Variants in DMD observed in about 807,000 individuals in gnomAD.
The protein encoded by DMD is mutant dystrophin.
DMD carries 63 observed loss-of-function variants against 330.1 expected under a neutral mutation model. That is an observed-to-expected ratio of 0.19 (90% CI 0.16 to 0.24). The LOEUF (loss-of-function observed/expected upper bound fraction) is 0.24, where lower values mean the gene tolerates loss of function less well. DMD is among the 10% of genes least tolerant of loss of function. DMD has a pLI of 1.00. For synonymous variants in DMD, 1,223 were observed against 959.8 expected (o/e 1.27, Z -5.07); for missense variants, 3,344 against 2,684.1 (o/e 1.25, Z -5.43).
intron 23 of DMD, among the ~76,000 whole-genome samples, chrX:32,467,243 C>T (rs1182323558): frequency 8.9e-6 from 1 of 111,887 alleles, no homozygotes; most frequent in Admixed American, 9.6e-5. Flanking sequence ...AATGTTTTTC[C>T]ATCATACCAT....
At chrX:32,991,395 C>A (rs2092969903) in intron 2 of DMD, among the ~76,000 whole-genome samples, 1 of 111,611 alleles carries the variant, frequency 9.0e-6, no homozygotes, top group African/African-American at 3.2e-5. Context: ...GCTAAACCAG[C>A]ATTGTCCATT....
intron 2 of DMD, among the ~76,000 whole-genome samples, chrX:33,002,604 G>A (rs1338087544): frequency 9.1e-6 from 1 of 110,271 alleles, no homozygotes; most frequent in Non-Finnish European, 1.9e-5. Context: ...TTACAAAGTT[G>A]CACTTCTGTG....
chrX:31,282,265 T>C (rs1240258384), intron 62 of DMD, among the ~76,000 whole-genome samples: 1 of 112,081 alleles, frequency 8.9e-6, no homozygotes, highest in Non-Finnish European at 1.9e-5. Flanking sequence ...TGTAATCAAA[T>C]GTAATGACGT....
chrX:32,976,210 G>A (rs1292508089), intron 2 of DMD, among the ~76,000 whole-genome samples: 3 of 49,845 alleles, frequency 6.0e-5, no homozygotes, highest in African/African-American at 2.5e-4. Context: ...AATAGAACGA[G>A]ACTCGTCTCA....
At chrX:32,076,086 A>AAAAG (rs2096346527) in intron 44 of DMD, among the ~76,000 whole-genome samples, 6 of 82,310 alleles carry the variant, frequency 7.3e-5, no homozygotes, top group African/African-American at 1.9e-4. Context: ...AAAAAAAAAA[A>AAAAG]AGAGAGAGAG....
chrX:31,386,481 C>T (rs946851245), intron 60 of DMD, among the ~76,000 whole-genome samples: 1 of 111,999 alleles, frequency 8.9e-6, no homozygotes, highest in East Asian at 2.8e-4. Flanking sequence ...TCAGAAAATG[C>T]CTTCCCCTTT....
At chrX:32,545,518 G>T (rs757521839) in intron 16 of DMD, among the ~76,000 whole-genome samples, 184 bp from the exon 17 acceptor site, 8 of 112,043 alleles carry the variant, frequency 7.1e-5, no homozygotes, top group African/African-American at 2.6e-4. Context: ...TTGGTTCACT[G>T]AAATAGCAAG....
At chrX:31,449,763 GATATATATAT>G (rs59787771) in intron 59 of DMD, among the ~76,000 whole-genome samples, 786 of 62,460 alleles carry the variant, frequency 0.013, 3 homozygotes, top group African/African-American at 0.038. Flanking sequence ...TAAATGGTGT[GATATATATAT>G]ATATATATAT....
chrX:31,453,758 A>C (rs1674060704), intron 59 of DMD, among the ~76,000 whole-genome samples: 1 of 93,008 alleles, frequency 1.1e-5, no homozygotes, highest in Non-Finnish European at 2.1e-5. Context: ...TATAGACAAA[A>C]AACAAGCAAA....
chrX:32,886,204 C>T (rs2084547640), intron 2 of DMD, among the ~76,000 whole-genome samples: 1 of 109,665 alleles, frequency 9.1e-6, no homozygotes, highest in Non-Finnish European at 1.9e-5. Context: ...AATTTAATAT[C>T]TCAAAAGCAG....
At chrX:32,625,850 C>T (rs2058313343) in intron 11 of DMD, among the ~76,000 whole-genome samples, 1 of 111,470 alleles carries the variant, frequency 9.0e-6, no homozygotes, top group Non-Finnish European at 1.9e-5. Flanking sequence ...GGCTCTCAGG[C>T]CCAATTCCCT....
intron 56 of DMD, among the ~76,000 whole-genome samples, chrX:31,500,181 A>G (rs1056548752): frequency 4.5e-5 from 5 of 112,192 alleles, no homozygotes; most frequent in Non-Finnish European, 9.4e-5. Context: ...TTAAAACAGC[A>G]TATACAAATG....
At chrX:31,573,070 G>C (rs2075907985) in intron 55 of DMD, among the ~76,000 whole-genome samples, 1 of 111,201 alleles carries the variant, frequency 9.0e-6, no homozygotes, top group Non-Finnish European at 1.9e-5. Flanking sequence ...CATTTGACTA[G>C]TTGCATGAGT....
At chrX:31,541,853 TG>T (rs1159601027) in intron 55 of DMD, among the ~76,000 whole-genome samples, 1 of 111,194 alleles carries the variant, frequency 9.0e-6, no homozygotes, top group African/African-American at 3.3e-5. Context: ...CAAATTGAGA[TG>T]GGATGCAATT....
At chrX:31,519,453 T>C (rs1348667802) in intron 55 of DMD, among the ~76,000 whole-genome samples, 1 of 112,210 alleles carries the variant, frequency 8.9e-6, no homozygotes, top group African/African-American at 3.2e-5. Context: ...ACAACAGCCA[T>C]GTAGGTAATT....
At chrX:32,492,137 G>GACCA (rs2043058958) in intron 19 of DMD, among the ~76,000 whole-genome samples, 1 of 111,864 alleles carries the variant, frequency 8.9e-6, no homozygotes, top group South Asian at 3.7e-4. Context: ...GGGAGATCAA[G>GACCA]ACCATCCTGG....
At chrX:32,295,713 G>T (rs1184769273) in intron 42 of DMD, among the ~76,000 whole-genome samples, 1 of 111,918 alleles carries the variant, frequency 8.9e-6, no homozygotes, top group Non-Finnish European at 1.9e-5. Context: ...GGACCTATTT[G>T]CCAACTAATC....
intron 7 of DMD, among the ~76,000 whole-genome samples, chrX:32,769,884 A>T (rs1218533344): frequency 9.0e-6 from 1 of 111,608 alleles, no homozygotes; most frequent in African/African-American, 3.3e-5. Context: ...AACCAGCTTC[A>T]TGGAATAGTC....
At chrX:32,577,944 G>A (rs916806047) in intron 13 of DMD, among the ~76,000 whole-genome samples, 3 of 112,231 alleles carry the variant, frequency 2.7e-5, no homozygotes, top group Non-Finnish European at 5.6e-5. Flanking sequence ...AATACACGAA[G>A]TGCTTTAAAT....
Sources: allele counts gnomAD v4.1 joint callset (sites outside exome capture counted in the v4.1 genomes callset), GRCh38; gene constraint gnomAD v4.1.1; transcripts MANE v1.5; gene names NCBI Gene and HGNC (gene_info 2026-07-23, HGNC 2026-07-21).